Variants in SYCP2 observed in about 807,000 individuals in gnomAD.
SYCP2 encodes synaptonemal complex protein 2.
Under a neutral mutation model 211.3 loss-of-function variants are expected in SYCP2, and 55 were observed. The observed-to-expected ratio is 0.26, with a 90% CI of 0.21 to 0.33. The LOEUF (loss-of-function observed/expected upper bound fraction) is 0.33. SYCP2 is among the 10% of genes least tolerant of loss of function. SYCP2 has a pLI of 1.00. For synonymous variants in SYCP2, 570 were observed against 555.2 expected (o/e 1.03, Z -0.37); for missense variants, 1,731 against 1,752.0 (o/e 0.99, Z 0.21).
rs138119511 is a variant in SYCP2 at position 59,930,265 on chromosome 20, T to TA, written c.-47+1796dup. Among the ~76,000 whole-genome samples the TA allele has an allele frequency of 2.0e-3, 304 of 149,068 alleles. 4 individuals carry two copies. In the South Asian group the frequency reaches 0.03, roughly 15 times the overall value. ...CGTATGTCCGAATTTTCCATAATAA[T>TA]AAAAAAAAAATGCTTAAAGAAGTCG... On this transcript the variant is annotated intron_variant, in intron 2 of 44. Coordinates refer to ENST00000357552, the MANE Select transcript of SYCP2 (RefSeq NM_014258.4).
intron 24 of SYCP2, among the ~76,000 whole-genome samples, chr20:59,888,851 G>A (rs977210935): frequency 1.3e-5 from 2 of 151,906 alleles, no homozygotes; most frequent in African/African-American, 4.8e-5. Context: ...AACCAACAAT[G>A]AACAAGTGTA....
chr20:59,904,634 C>T (rs2060180659), intron 15 of SYCP2, among the ~76,000 whole-genome samples: 1 of 152,124 alleles, frequency 6.6e-6, no homozygotes, highest in Admixed American at 6.6e-5. Context: ...ATAGAGGCAA[C>T]AACATATGAC....
rs200347178 is a variant in SYCP2 at position 59,880,347 on chromosome 20, T to C, written c.2897A>G (p.Tyr966Cys). 47 of 1,597,416 alleles carry C rather than the reference T, an allele frequency of 2.9e-5. No individual in the cohort carries two copies. The highest frequency in any genetic ancestry group is 4.5e-5 in the East Asian group (2 of 44,474). ...ATTCTTCACATTTTTATTTCTGCTA[T>C]AGTCTATTAGCTGTGGTTTTGATTT... is the stretch of plus-strand genomic sequence containing the variant. ...EPKSKPQLID[Y>C]SRNKNVKNHK... Residue 966 changes from tyrosine (Y) to cysteine (C), a missense_variant, in exon 31 of 45, where the codon TAT becomes TGT. Physicochemically the swap from Tyr to Cys is radical, Grantham distance 194. Coordinates refer to ENST00000357552, the MANE Select transcript of SYCP2 (RefSeq NM_014258.4).
intron 24 of SYCP2, among the ~76,000 whole-genome samples, chr20:59,890,581 A>AGTAGGTAG (rs139061503): frequency 6.6e-6 from 1 of 151,352 alleles, no homozygotes; most frequent in African/African-American, 2.4e-5. Flanking sequence ...TAGGTAGGTA[A>AGTAGGTAG]GTAGGTAGGT....
intron 41 of SYCP2, 133 bp from the exon 42 acceptor site, chr20:59,865,998 A>AT (rs1380464124): frequency 2.7e-5 from 12 of 448,392 alleles, no homozygotes; most frequent in Non-Finnish European, 4.7e-5. Flanking sequence ...ACAAATTTAA[A>AT]TAAACAGTAT....
At chr20:59,926,432 G>A (rs1282358074) in intron 2 of SYCP2, among the ~76,000 whole-genome samples, 2 of 151,948 alleles carry the variant, frequency 1.3e-5, no homozygotes, top group South Asian at 4.1e-4. Flanking sequence ...TCCACTCTCT[G>A]CCTCCTTTAT....
At chr20:59,915,686 G>A (rs2060426313) in intron 8 of SYCP2, 136 bp from the exon 9 acceptor site, 2 of 609,642 alleles carry the variant, frequency 3.3e-6, no homozygotes, top group Non-Finnish European at 5.8e-6. Context: ...GGAGTAGGAT[G>A]GAGGAAAGAA....
intron 14 of SYCP2, among the ~76,000 whole-genome samples, chr20:59,908,939 G>A (rs1009045058): frequency 3.9e-5 from 6 of 151,994 alleles, no homozygotes; most frequent in African/African-American, 7.2e-5. Context: ...TTCCTTAACC[G>A]ATATTTTAAC....
At chr20:59,916,679 C>T in intron 7 of SYCP2, 108 bp from the exon 8 acceptor site, 2 of 711,144 alleles carry the variant, frequency 2.8e-6, no homozygotes, top group Non-Finnish European at 4.9e-6. Context: ...GTAACTCAGG[C>T]CTATAATCCT....
intron 13 of SYCP2, 65 bp from the exon 14 acceptor site, chr20:59,911,910 G>A (rs1812794337): frequency 1.3e-6 from 1 of 747,368 alleles, no homozygotes; most frequent in African/African-American, 1.8e-5. Flanking sequence ...CAATTATGAT[G>A]TTATATTCAT....
Position 59,865,858 on chromosome 20 carries a change from CA to C in SYCP2, c.4327del (p.Trp1443GlyfsTer22). ...ACTGAACTTCTGAAATATCTTTTCC[CA>C]AAAGTCCTAAATTAATTAATAAAAT... ...KDLEKEFVDF[W>X]EKIFQKFSAY... On this transcript the variant is annotated frameshift_variant, in exon 42 of 45. Coordinates refer to ENST00000357552, the MANE Select transcript of SYCP2 (RefSeq NM_014258.4). LOFTEE classifies it high-confidence loss of function. 7.2e-7 allele frequency: 1 copy of C among 1,388,002 alleles called. No homozygotes were observed. Among genetic ancestry groups the C allele is most frequent in the Non-Finnish European group, 9.6e-7 (1 of 1,036,822 alleles). The allele number at this position is 1,388,002 out of a possible 1,614,324, so 86.0% of individuals were successfully genotyped here. A position where few individuals can be genotyped will look rare whatever the true frequency, so the allele number is the denominator to read the frequency against.
intron 30 of SYCP2, 58 bp from the exon 31 acceptor site, chr20:59,880,529 G>A (rs1036963936): frequency 4.7e-6 from 5 of 1,053,228 alleles, no homozygotes; most frequent in East Asian, 2.8e-5. Context: ...TGTCATGCAA[G>A]GTAAGTTAAA....
At chr20:59,915,077 C>T (rs1323009728) in intron 10 of SYCP2, 88 bp downstream of exon 10, 16 of 848,354 alleles carry the variant, frequency 1.9e-5, no homozygotes, top group Middle Eastern at 2.6e-4. Flanking sequence ...CTCAGTCTCA[C>T]ATTGCTATGC....
intron 34 of SYCP2, 64 bp downstream of exon 34, chr20:59,875,207 C>T: frequency 4.8e-6 from 5 of 1,031,922 alleles, no homozygotes; most frequent in South Asian, 1.8e-5. Context: ...TTGTATTTTC[C>T]CATAATTAGA....
chr20:59,871,430 T>G (rs2059449589), intron 35 of SYCP2, among the ~76,000 whole-genome samples: 1 of 151,826 alleles, frequency 6.6e-6, no homozygotes. Context: ...TTATTAAGAG[T>G]TGACAGTAAA....
In SYCP2 at chr20:59,881,505, T is replaced by G; in HGVS notation, c.2659-13A>C. The G allele has an allele frequency of 1.4e-6, 2 of 1,393,292 alleles. No individual in the cohort carries two copies. Among genetic ancestry groups the G allele is most frequent in the Admixed American group, 2.6e-5 (1 of 39,006 alleles). The allele number at this position is 1,393,292 out of a possible 1,614,324, so 86.3% of individuals were successfully genotyped here. On this transcript the variant is annotated splice_polypyrimidine_tract_variant and intron_variant, in intron 28 of 44. Transcript: ENST00000357552. ...GAAACTCTTGGATCTATATTGTAAA[T>G]AAACAAAAAAAAAGAGGTGTCAGTG...
At position 59,876,411 on chromosome 20, in the gene SYCP2, A is replaced by G. The variant is rs200430573; in HGVS notation, c.3151-942T>C. 6.4e-5 allele frequency among the ~76,000 whole-genome samples: 9 copies of G among 139,680 alleles called. No individual in the cohort carries two copies. The East Asian group carries it at 1.0e-3, about 16-fold the overall frequency. The allele number at this position is 139,680 out of a possible 152,430, so 91.6% of individuals were successfully genotyped here. ...AAAAAAAAAAAAAAAAAAAAAAAAAAGAAGAAGTGATAGAAAATGTAGACC... is the reference window on the plus strand; with the variant it reads ...AAAAAAAAAAAAAAAAAAAAAAAAAGGAAGAAGTGATAGAAAATGTAGACC... On this transcript the variant is annotated intron_variant, in intron 33 of 44. Coordinates refer to ENST00000357552, the MANE Select transcript of SYCP2 (RefSeq NM_014258.4).
At position 59,919,150 on chromosome 20, in the gene SYCP2, T is replaced by C. The variant is rs2060494702; in HGVS notation, c.427+8A>G. 1.6e-6 allele frequency: 2 copies of C among 1,259,638 alleles called. No individual in the cohort carries two copies. Among genetic ancestry groups the C allele is most frequent in the Non-Finnish European group, 1.1e-6 (1 of 885,620 alleles). The allele number at this position is 1,259,638 out of a possible 1,614,324, so 78.0% of individuals were successfully genotyped here. A position where few individuals can be genotyped will look rare whatever the true frequency, so the allele number is the denominator to read the frequency against. ...ATTGTTCCAATAGAAAATAAGTGTTTATTATACCTTCATCACTGACATCAT... is the reference window on the plus strand; with the variant it reads ...ATTGTTCCAATAGAAAATAAGTGTTCATTATACCTTCATCACTGACATCAT... On this transcript the variant is annotated splice_region_variant and intron_variant, in intron 7 of 44. Transcript: ENST00000357552.
intron 26 of SYCP2, among the ~76,000 whole-genome samples, chr20:59,882,507 CTGCAGCATTATTGAAACCTAAG>C (rs1394138412): frequency 6.6e-6 from 1 of 152,112 alleles, no homozygotes; most frequent in Non-Finnish European, 1.5e-5. Context: ...CCCATGGTTA[CTGCAGCATTATTGAAACCTAAG>C]TGTCCACCAG....
Sources: gnomAD v4.1 joint callset for allele counts (sites outside exome capture counted in the v4.1 genomes callset) on GRCh38, gnomAD v4.1.1 for gene constraint, MANE v1.5 for transcripts, NCBI Gene and HGNC (gene_info 2026-07-23, HGNC 2026-07-21) for gene names.